The following KSR1 variants were observed in gnomAD, a reference collection of about 807,000 sequenced individuals.
The protein encoded by KSR1 is kinase suppressor of ras.
Under a neutral mutation model 92.9 loss-of-function variants are expected in KSR1, and 35 were observed. That is an observed-to-expected ratio of 0.38 (90% CI 0.29 to 0.50). KSR1 has a LOEUF of 0.50. KSR1 is among the 20% of genes least tolerant of loss of function. The probability of loss-of-function intolerance (pLI) is 0.94; values close to 1 mark genes in which losing one functional copy is unlikely to be tolerated. For missense variants in KSR1, 972 were observed against 1,158.5 expected (o/e 0.84, Z 2.34); for synonymous variants, 467 against 472.6 (o/e 0.99, Z 0.15).
At chr17:27,503,080 G>A (rs1299502669) in intron 1 of KSR1, among the ~76,000 whole-genome samples, 1 of 152,196 alleles carries the variant, frequency 6.6e-6, no homozygotes, top group Non-Finnish European at 1.5e-5. Context: ...TTCTTATATT[G>A]CAGATGAGAA....
chr17:27,555,537 TA>T (rs2071562003), intron 2 of KSR1, among the ~76,000 whole-genome samples: 2 of 147,456 alleles, frequency 1.4e-5, no homozygotes, highest in African/African-American at 5.0e-5. Flanking sequence ...TGTGTGTGTG[TA>T]GCACTTCCGT....
chr17:27,525,258 A>G (rs764195625), intron 1 of KSR1, among the ~76,000 whole-genome samples: 37 of 152,240 alleles, frequency 2.4e-4, no homozygotes, highest in Non-Finnish European at 4.7e-4. Flanking sequence ...TGCACTGCAC[A>G]AGGGGGTGAA....
chr17:27,585,558 C>T, intron 4 of KSR1, 99 bp from the exon 5 acceptor site: 1 of 719,064 alleles, frequency 1.4e-6, no homozygotes, highest in Non-Finnish European at 2.6e-6. Flanking sequence ...AGTCCTACGT[C>T]CCAGCCCCTT....
intron 1 of KSR1, among the ~76,000 whole-genome samples, chr17:27,490,608 A>G (rs2068792999): frequency 6.6e-6 from 1 of 152,172 alleles, no homozygotes; most frequent in Non-Finnish European, 1.5e-5. Flanking sequence ...TGGCTTCCTG[A>G]GCCTCATTCT....
chr17:27,522,084 A>G (rs1054245111), intron 1 of KSR1, among the ~76,000 whole-genome samples: 1 of 152,144 alleles, frequency 6.6e-6, no homozygotes, highest in South Asian at 2.1e-4. Context: ...ATACACTGGT[A>G]CCTGGCCAGA....
chr17:27,582,822 C>A lies in KSR1; in HGVS notation c.697C>A (p.Leu233Met). The change falls in exon 4 of 21, where the codon CTG becomes ATG. Residue 233 changes from leucine (L) to methionine (M), a missense_variant. Leu to Met is a conservative substitution (Grantham distance 15). This residue lies in a region of KSR1 where 611 missense variants were observed against 668.0 expected (regional missense o/e 0.91). Transcript: ENST00000644974. ...CCCACGCTCCATCTCCGTGTCAGCT[C>A]TGCCCGCCTCAGACTCCCCCACCCC... ...QGPRSISVSA[L>M]PASDSPTPSF... The A allele has an allele frequency of 6.2e-7, 1 of 1,613,488 alleles. No homozygotes were observed. The highest frequency in any genetic ancestry group is 1.3e-5 in the African/African-American group (1 of 75,034).
chr17:27,577,484 C>T lies in KSR1; in HGVS notation c.373-8C>T, dbSNP rs371177147. On this transcript the variant is annotated splice_region_variant and splice_polypyrimidine_tract_variant and intron_variant, in intron 2 of 20. Coordinates refer to ENST00000644974, the MANE Select transcript of KSR1 (RefSeq NM_001394583.1). The surrounding 1 kb of genome is among the most constrained non-coding windows in gnomAD (Gnocchi z 4.5). The stretch of plus-strand genomic sequence containing the variant: ...ACCGCCTCTCTGCCTGTCCCTCTGT[C>T]CCCTTAGGAGATCCCCCGAGACCTC... 1.8e-4 allele frequency: 275 copies of T among 1,491,958 alleles called. No homozygotes were observed. Among genetic ancestry groups the T allele is most frequent in the Non-Finnish European group, 2.3e-4 (257 of 1,095,756 alleles). The allele number at this position is 1,491,958 out of a possible 1,614,324, so 92.4% of individuals were successfully genotyped here. A position where few individuals can be genotyped will look rare whatever the true frequency, so the allele number is the denominator to read the frequency against.
intron 11 of KSR1, among the ~76,000 whole-genome samples, chr17:27,602,431 C>T (rs980734422): frequency 2.0e-5 from 3 of 152,212 alleles, no homozygotes; most frequent in Non-Finnish European, 4.4e-5. Flanking sequence ...AGATATGGCT[C>T]TTCTCCCAGA....
At chr17:27,544,819 C>T (rs1424512525) in intron 1 of KSR1, among the ~76,000 whole-genome samples, 4 of 152,252 alleles carry the variant, frequency 2.6e-5, no homozygotes, top group Non-Finnish European at 1.5e-5. Flanking sequence ...GCAGGCCCCA[C>T]TGTGGTTTGT....
In KSR1 at chr17:27,605,456, A is replaced by G. The variant is rs769181630; in HGVS notation, c.1637A>G (p.Lys546Arg). 1.2e-6 allele frequency: 2 copies of G among 1,609,566 alleles called. No individual in the cohort carries two copies. The highest frequency in any genetic ancestry group is 1.7e-6 in the Non-Finnish European group (2 of 1,178,906). The change falls in exon 14 of 21, where the codon AAG (lysine) becomes AGG (arginine). Residue 546 changes from lysine (K) to arginine (R), a missense_variant. Coordinates refer to ENST00000644974, the MANE Select transcript of KSR1 (RefSeq NM_001394583.1). ...EAEAEEPEAG[K>R]SEAEDDEDEV... ...CAGGCTGAGGAGCCAGAGGCTGGCAAGTCAGAGGCAGAAGACGATGAGGAC... is the reference window on the plus strand; with the variant it reads ...CAGGCTGAGGAGCCAGAGGCTGGCAGGTCAGAGGCAGAAGACGATGAGGAC...
At chr17:27,502,859 A>AG (rs2069241652) in intron 1 of KSR1, among the ~76,000 whole-genome samples, 1 of 152,198 alleles carries the variant, frequency 6.6e-6, no homozygotes, top group African/African-American at 2.4e-5. Context: ...TCTCTGAAAA[A>AG]GAAATCTCTG....
At chr17:27,544,007 C>T (rs974147391) in intron 1 of KSR1, among the ~76,000 whole-genome samples, 6 of 152,222 alleles carry the variant, frequency 3.9e-5, no homozygotes, top group African/African-American at 1.2e-4. Context: ...CTGTCGGCTT[C>T]GCCTGAGAAG....
chr17:27,590,982 C>A, intron 7 of KSR1, 88 bp downstream of exon 7: 2 of 1,131,734 alleles, frequency 1.8e-6, no homozygotes, highest in Non-Finnish European at 2.6e-6. Flanking sequence ...TATTCATAGT[C>A]CTATTCAGCA....
intron 5 of KSR1, 128 bp from the exon 6 acceptor site, chr17:27,588,346 CA>C (rs1186053903): frequency 4.2e-6 from 3 of 707,592 alleles, no homozygotes; most frequent in Middle Eastern, 2.4e-4. Context: ...GGACATAGAT[CA>C]GGGAGATGCT....
In KSR1 at chr17:27,605,479, G is replaced by A; in HGVS notation, c.1660G>A (p.Asp554Asn). ...AGKSEAEDDE[D>N]EVDDLPSSRR... is the part of the protein sequence containing the mutation. ...CAAGTCAGAGGCAGAAGACGATGAG[G>A]ACGAGGTGGACGACTTGCCGAGCTC... Residue 554 changes from aspartate to asparagine, a missense_variant, in exon 14 of 21, where the codon GAC (aspartate) becomes AAC (asparagine). Asp to Asn is a conservative substitution (Grantham distance 23, BLOSUM62 1). This residue lies in a region of KSR1 where 611 missense variants were observed against 668.0 expected (regional missense o/e 0.91). Coordinates refer to ENST00000644974, the MANE Select transcript of KSR1 (RefSeq NM_001394583.1). The A allele has an allele frequency of 1.2e-6, 2 of 1,608,318 alleles. No individual in the cohort carries two copies. Among genetic ancestry groups the A allele is most frequent in the Non-Finnish European group, 1.7e-6 (2 of 1,178,232 alleles).
At chr17:27,529,939 T>C (rs1433162640) in intron 1 of KSR1, among the ~76,000 whole-genome samples, 1 of 152,166 alleles carries the variant, frequency 6.6e-6, no homozygotes, top group Non-Finnish European at 1.5e-5. Context: ...GGGTAGGAGA[T>C]GGGTCATTCA....
intron 6 of KSR1, among the ~76,000 whole-genome samples, chr17:27,590,374 T>C (rs12150143): frequency 0.15 from 22,650 of 152,200 alleles, 1,849 homozygotes; most frequent in Admixed American, 0.23. Context: ...AAAGACCATA[T>C]TTTAGTCAGC....
chr17:27,550,071 G>T (rs939749032), intron 1 of KSR1, among the ~76,000 whole-genome samples: 1 of 152,152 alleles, frequency 6.6e-6, no homozygotes, highest in Non-Finnish European at 1.5e-5. Context: ...ACAGGGTCTT[G>T]TTCTGTCACC....
chr17:27,463,790 C>T (rs1249824009), intron 1 of KSR1, among the ~76,000 whole-genome samples: 1 of 152,192 alleles, frequency 6.6e-6, no homozygotes, highest in Non-Finnish European at 1.5e-5. Context: ...ATGAAAGTCA[C>T]TTTAACTGCA....
Sources: gnomAD v4.1 joint callset for allele counts (sites outside exome capture counted in the v4.1 genomes callset) on GRCh38, gnomAD v4.1.1 for gene constraint, gnomAD v4.1.1 regional missense constraint, Gnocchi (gnomAD v3.1) non-coding constraint, MANE v1.5 for transcripts, NCBI Gene and HGNC (gene_info 2026-07-23, HGNC 2026-07-21) for gene names.